VPS51: variants seen among roughly 807,000 people sequenced by gnomAD.
VPS51 encodes VPS51 subunit of GARP complex.
Under a neutral mutation model 65.1 loss-of-function variants are expected in VPS51, and 55 were observed. The observed-to-expected ratio is 0.84, with a 90% CI of 0.68 to 1.06. The LOEUF (loss-of-function observed/expected upper bound fraction) is 1.06, where lower values mean the gene tolerates loss of function less well. VPS51 is among the 50% of genes least tolerant of loss of function. The pLI is 0.00. For synonymous variants in VPS51, 473 were observed against 489.5 expected (o/e 0.97, Z 0.44); for missense variants, 943 against 1,101.6 (o/e 0.86, Z 2.04).
chr11:65,108,376 A>T lies in VPS51; in HGVS notation c.905A>T (p.Glu302Val), dbSNP rs1590812957. The change falls in exon 5 of 10, where the codon GAG becomes GTG. Residue 302 changes from glutamate to valine, a missense_variant. Physicochemically the swap from Glu to Val is moderately radical, Grantham distance 121 (BLOSUM62 -2). Transcript: ENST00000279281. ...GPSPPAPDVLEFTDHGGSGFV... is the reference protein window; with the variant it reads ...GPSPPAPDVLVFTDHGGSGFV... ...TCACCTCCGGCTCCCGACGTGTTAG[A>T]GTTCACCGACCATGGAGGCAGTGGC... 6.2e-7 allele frequency: 1 copy of T among 1,612,294 alleles called. No homozygotes were observed. The highest frequency in any genetic ancestry group is 2.2e-5 in the East Asian group (1 of 44,866).
In VPS51 at chr11:65,109,949, C is replaced by T; in HGVS notation, c.1878+26C>T. On this transcript the variant is annotated intron_variant, in intron 7 of 9. Transcript: ENST00000279281. ...GTGCTGCCCAGGCTGGCCGGGGTAG[C>T]CCTGACGCAGGCTGGGGGTACTGTC... 5 of 1,564,160 alleles carry T rather than the reference C, an allele frequency of 3.2e-6. No homozygotes were observed. The South Asian group carries it at 4.7e-5, about 15-fold the overall frequency.
chr11:65,109,172 C>A, intron 5 of VPS51, 108 bp from the exon 6 acceptor site: 1 of 1,240,224 alleles, frequency 8.1e-7, no homozygotes, highest in Non-Finnish European at 1.1e-6. Flanking sequence ...TAGGATGATG[C>A]TGTCCCTTGC....
Position 65,107,778 on chromosome 11 carries a change from GC to G in VPS51, c.506-24del. ...AGTGGGCCTTTCCTGGGGCTCTGGGGCTAACGTCACCCTCCGTCCCCCAGGG... is the reference window on the plus strand; with the variant it reads ...AGTGGGCCTTTCCTGGGGCTCTGGGGTAACGTCACCCTCCGTCCCCCAGGG... On this transcript the variant is annotated intron_variant, in intron 3 of 9. Coordinates refer to ENST00000279281, the MANE Select transcript of VPS51 (RefSeq NM_013265.4). This position sits in a 1 kb window ranked among gnomAD's most constrained non-coding sequence, Gnocchi z 4.0. 1.2e-6 allele frequency: 2 copies of G among 1,603,638 alleles called. No homozygotes were observed. The highest frequency in any genetic ancestry group is 1.7e-5 in the Admixed American group (1 of 59,490).
At chr11:65,102,192 A>G (rs1297264674) in intron 2 of VPS51, among the ~76,000 whole-genome samples, 1 of 151,730 alleles carries the variant, frequency 6.6e-6, no homozygotes, top group Non-Finnish European at 1.5e-5. Flanking sequence ...TAATTATTGT[A>G]TTTTCAGTAG....
chr11:65,108,186 C>G lies in VPS51; in HGVS notation c.726-11C>G. On this transcript the variant is annotated splice_polypyrimidine_tract_variant and intron_variant, in intron 4 of 9. Coordinates refer to ENST00000279281, the MANE Select transcript of VPS51 (RefSeq NM_013265.4). ...CCCGGCCCTGCCCTTCACTACCTCT[C>G]CCTCGTGCAGGGAGGGCGGCTCAGG... 6.3e-7 allele frequency: 1 copy of G among 1,597,716 alleles called. No homozygotes were observed. Among genetic ancestry groups the G allele is most frequent in the East Asian group, 2.2e-5 (1 of 44,520 alleles).
chr11:65,110,926 T>A, intron 9 of VPS51, 145 bp downstream of exon 9: 1 of 972,128 alleles, frequency 1.0e-6, no homozygotes, highest in East Asian at 2.5e-5. Flanking sequence ...AGGGCTGTTT[T>A]TAGGTAGTAC....
In VPS51 at chr11:65,109,889, G is replaced by A. The variant is rs1316547460; in HGVS notation, c.1844G>A (p.Arg615Gln). The A allele has an allele frequency of 2.5e-6, 4 of 1,609,308 alleles. No homozygotes were observed. The highest frequency in any genetic ancestry group is 3.4e-6 in the Non-Finnish European group (4 of 1,179,090). ...CGGAATGTGCGGGCCGTCATGAAGCGGGTGGTGGAGGATACCACCGCCATC... is the reference window on the plus strand; with the variant it reads ...CGGAATGTGCGGGCCGTCATGAAGCAGGTGGTGGAGGATACCACCGCCATC... ...EPRNVRAVMK[R>Q]VVEDTTAIDV... The change falls in exon 7 of 10, where the codon CGG (arginine) becomes CAG (glutamine). Residue 615 changes from arginine (R) to glutamine (Q), a missense_variant. Transcript: ENST00000279281.
Position 65,111,742 on chromosome 11 carries a change from G to C in VPS51, c.*155G>C. On this transcript the variant is annotated 3_prime_UTR_variant, in exon 10 of 10. Coordinates refer to ENST00000279281, the MANE Select transcript of VPS51 (RefSeq NM_013265.4). Reference sequence around the variant, plus strand: ...TGCTGGGCGGGCCTTTCCGGGGGCGGGGTTTTGAAGCTGAGGCTTCTGAGG... The same window carrying C: ...TGCTGGGCGGGCCTTTCCGGGGGCGCGGTTTTGAAGCTGAGGCTTCTGAGG... 7.6e-7 allele frequency: 1 copy of C among 1,318,366 alleles called. No homozygotes were observed. The highest frequency in any genetic ancestry group is 1.0e-6 in the Non-Finnish European group (1 of 992,852). The allele number at this position is 1,318,366 out of a possible 1,614,324, so 81.7% of individuals were successfully genotyped here. A position where few individuals can be genotyped will look rare whatever the true frequency, so the allele number is the denominator to read the frequency against.
In VPS51 at chr11:65,107,420, T is replaced by G. The variant is rs1438163658; in HGVS notation, c.359-161T>G. On this transcript the variant is annotated intron_variant, in intron 2 of 9. Transcript: ENST00000279281. This position sits in a 1 kb window ranked among gnomAD's most constrained non-coding sequence, Gnocchi z 4.0. ...ACATAAACCCCCTCCCCCGCCCCCA[T>G]GTGCGCTGTGACCCACGCCCTCGCA... The G allele has an allele frequency of 2.7e-5, 15 of 551,968 alleles. No homozygotes were observed. Among genetic ancestry groups the G allele is most frequent in the Non-Finnish European group, 3.5e-5 (11 of 316,080 alleles). The allele number at this position is 551,968 out of a possible 1,614,324, so 34.2% of individuals were successfully genotyped here.
Position 65,096,231 on chromosome 11 carries a change from C to T in VPS51, c.-20C>T, listed in dbSNP as rs999913169. 28 of 1,525,602 alleles carry T rather than the reference C, an allele frequency of 1.8e-5. No homozygotes were observed. The African/African-American group carries it at 2.4e-4, about 13-fold the overall frequency. The allele number at this position is 1,525,602 out of a possible 1,614,324, so 94.5% of individuals were successfully genotyped here. A position where few individuals can be genotyped will look rare whatever the true frequency, so the allele number is the denominator to read the frequency against. ...TCCCCTTCCTTTCCAGCCTCACGCC[C>T]GTGGGCTGCAGTTGGAACGATGGCG... On this transcript the variant is annotated 5_prime_UTR_variant, in exon 1 of 10. Transcript: ENST00000279281.
At position 65,108,907 on chromosome 11, in the gene VPS51, A is replaced by C; in HGVS notation, c.1436A>C (p.Tyr479Ser). 1.2e-5 allele frequency: 19 copies of C among 1,612,924 alleles called. No individual in the cohort carries two copies. The highest frequency in any genetic ancestry group is 1.4e-5 in the Non-Finnish European group (17 of 1,179,960). ...GAGGTGTCCTTCTCCAACAAGCCCT[A>C]CTTCCGGGTACGCCTCCTCTTGGGT... ...AKEVSFSNKP[Y>S]FRGEFCSQGV... The change falls in exon 5 of 10, where the codon TAC becomes TCC. Residue 479 changes from tyrosine (Y) to serine (S), a missense_variant. By Grantham distance (144) the Tyr-to-Ser change is moderately radical (BLOSUM62 -2). This residue lies in a region of VPS51 where 855 missense variants were observed against 953.7 expected (regional missense o/e 0.90). Coordinates refer to ENST00000279281, the MANE Select transcript of VPS51 (RefSeq NM_013265.4).
chr11:65,109,347 C>T lies in VPS51; in HGVS notation c.1511C>T (p.Thr504Met), dbSNP rs140677028. 508 of 1,613,580 alleles carry T rather than the reference C, an allele frequency of 3.1e-4. 2 individuals are homozygous for T. Among genetic ancestry groups the T allele is most frequent in the Admixed American group, 5.7e-4 (34 of 60,022 alleles). ...GGCTTCGTCCACTCTATGTGCCAGA[C>T]GGCTCAGAGCTTCTGCGACAGCCCT... ...IVGFVHSMCQ[T>M]AQSFCDSPGE... Residue 504 changes from threonine to methionine, a missense_variant, in exon 6 of 10, where the codon ACG becomes ATG. Thr to Met is a moderately conservative substitution (Grantham distance 81). Around this residue, in one of 2 missense-constraint regions of VPS51, gnomAD observed 855 missense variants for 953.7 expected, o/e 0.90. Transcript: ENST00000279281.
chr11:65,107,071 G>A lies in VPS51; in HGVS notation c.359-510G>A, dbSNP rs1212010352. On this transcript the variant is annotated intron_variant, in intron 2 of 9. Transcript: ENST00000279281. The surrounding 1 kb of genome is among the most constrained non-coding windows in gnomAD (Gnocchi z 4.0). The stretch of plus-strand genomic sequence containing the variant: ...GCCTCCCTAGGCAGGATTCTATCAG[G>A]ACCAAAGGGAAAGGGCCCTTCAGAG... 2.3e-6 allele frequency: 1 copy of A among 437,798 alleles called. No individual in the cohort carries two copies. Among genetic ancestry groups the A allele is most frequent in the African/African-American group, 2.0e-5 (1 of 49,614 alleles). The allele number at this position is 437,798 out of a possible 1,614,324, so 27.1% of individuals were successfully genotyped here. A position where few individuals can be genotyped will look rare whatever the true frequency, so the allele number is the denominator to read the frequency against.
chr11:65,107,387 C>A lies in VPS51; in HGVS notation c.359-194C>A. 1 of 677,924 alleles carries A rather than the reference C, an allele frequency of 1.5e-6. No individual in the cohort carries two copies. Among genetic ancestry groups the A allele is most frequent in the Non-Finnish European group, 2.5e-6 (1 of 397,986 alleles). 42.0% of individuals were successfully genotyped at this position (677,924 alleles called of 1,614,324 possible). A position where few individuals can be genotyped will look rare whatever the true frequency, so the allele number is the denominator to read the frequency against. Reference sequence around the variant, plus strand: ...ACGGGGAGTATGTGAGTAACGCCTGCTTTGGGAACATAAACCCCCTCCCCC... The same window carrying A: ...ACGGGGAGTATGTGAGTAACGCCTGATTTGGGAACATAAACCCCCTCCCCC... On this transcript the variant is annotated intron_variant, in intron 2 of 9. Coordinates refer to ENST00000279281, the MANE Select transcript of VPS51 (RefSeq NM_013265.4). The surrounding 1 kb of genome is among the most constrained non-coding windows in gnomAD (Gnocchi z 4.0).
Position 65,096,422 on chromosome 11 carries a change from CT to C in VPS51, c.173del (p.Leu58ArgfsTer6). On this transcript the variant is annotated frameshift_variant, in exon 1 of 10. Coordinates refer to ENST00000279281, the MANE Select transcript of VPS51 (RefSeq NM_013265.4). LOFTEE classifies it high-confidence loss of function. The part of the protein sequence containing the change: ...AAGRPAGPDP[L>X]DPTDLNGAHF... ...GGGACGCCCCGCGGGGCCCGACCCC[CT>C]GGACCCGACTGATCTGAACGGGGCG... 1.3e-6 allele frequency: 2 copies of C among 1,551,290 alleles called. No individual in the cohort carries two copies. The highest frequency in any genetic ancestry group is 1.7e-6 in the Non-Finnish European group (2 of 1,156,752).
chr11:65,108,063 C>G (rs1299440321), intron 4 of VPS51, 41 bp downstream of exon 4: 8 of 1,488,938 alleles, frequency 5.4e-6, no homozygotes, highest in Non-Finnish European at 7.1e-6. Flanking sequence ...CCCGCCAGCC[C>G]CGAGCCCCAT....
At position 65,108,696 on chromosome 11, in the gene VPS51, C is replaced by T. The variant is rs1947863972; in HGVS notation, c.1225C>T (p.His409Tyr). The T allele has an allele frequency of 1.2e-6, 2 of 1,600,638 alleles. No homozygotes were observed. Among genetic ancestry groups the T allele is most frequent in the Admixed American group, 1.7e-5 (1 of 58,566 alleles). The change falls in exon 5 of 10, where the codon CAC becomes TAC. Residue 409 changes from histidine (H) to tyrosine (Y), a missense_variant. Around this residue, in one of 2 missense-constraint regions of VPS51, gnomAD observed 855 missense variants for 953.7 expected, o/e 0.90. Transcript: ENST00000279281. ...ACGAGTGGCCCGCGAGCGCCTGGGC[C>T]ACCACCTGCAGGGTCTCCGGGCGGC... ...VERVARERLGHHLQGLRAAFL... is the reference protein window; with the variant it reads ...VERVARERLGYHLQGLRAAFL...
At chr11:65,096,545 C>T in intron 1 of VPS51, 67 bp downstream of exon 1, 2 of 1,325,116 alleles carry the variant, frequency 1.5e-6, no homozygotes. Flanking sequence ...TGCTATATTG[C>T]TCCCCCAGAT....
At position 65,110,487 on chromosome 11, in the gene VPS51, GC is replaced by G; in HGVS notation, c.1885del (p.Leu629SerfsTer47). 1 of 1,613,908 alleles carries G rather than the reference GC, an allele frequency of 6.2e-7. No homozygotes were observed. Among genetic ancestry groups the G allele is most frequent in the South Asian group, 1.1e-5 (1 of 91,086 alleles). ...DTTAIDVQVGLLYEEGVRKAQ... is the reference protein window; with the variant it reads ...DTTAIDVQVGXLYEEGVRKAQ... ...GTACCTCTTTTTACCACCAGGTGGG[GC>G]TCCTGTACGAAGAGGGTGTTCGCAA... On this transcript the variant is annotated frameshift_variant, in exon 8 of 10. Coordinates refer to ENST00000279281, the MANE Select transcript of VPS51 (RefSeq NM_013265.4). LOFTEE classifies it high-confidence loss of function.
Sources: allele counts gnomAD v4.1 joint callset (sites outside exome capture counted in the v4.1 genomes callset), GRCh38; gene constraint gnomAD v4.1.1; regional missense constraint gnomAD v4.1.1; non-coding constraint Gnocchi (gnomAD v3.1); transcripts MANE v1.5; gene names NCBI Gene and HGNC (gene_info 2026-07-23, HGNC 2026-07-21).